Variants in AFDN observed in about 807,000 individuals in gnomAD.
The protein encoded by AFDN is afadin, adherens junction formation factor.
Under a neutral mutation model 216.6 loss-of-function variants are expected in AFDN, and 68 were observed. The ratio of observed to expected loss-of-function variants is 0.31; its 90% CI spans 0.26 to 0.38. AFDN has a LOEUF of 0.38. Among genes scored for constraint, AFDN ranks in the 10% least tolerant of loss-of-function variants. The pLI is 1.00. For missense variants in AFDN, 2,136 were observed against 2,342.0 expected, an observed-to-expected ratio of 0.91 and a Z score of 1.82; for synonymous variants, 868 against 853.7, an observed-to-expected ratio of 1.02 and a Z score of -0.29.
At chr6:167,958,743 T>C (rs993878662) in intron 30 of AFDN, among the ~76,000 whole-genome samples, 2 of 152,252 alleles carry the variant, frequency 1.3e-5, no homozygotes, top group Non-Finnish European at 2.9e-5. Context: ...AAATTGGACA[T>C]GCCCCTCTTG....
At chr6:167,890,392 C>A (rs976033868) in intron 7 of AFDN, among the ~76,000 whole-genome samples, 1 of 152,106 alleles carries the variant, frequency 6.6e-6, no homozygotes, top group Non-Finnish European at 1.5e-5. Flanking sequence ...TTTCAATAGG[C>A]TTTTGCGGGA....
intron 6 of AFDN, among the ~76,000 whole-genome samples, chr6:167,887,097 TTGA>T (rs1177834813): frequency 7.2e-5 from 11 of 152,076 alleles, no homozygotes; most frequent in African/African-American, 2.2e-4. Flanking sequence ...AATGTTGATG[TTGA>T]TAAGTGTATA....
At chr6:167,923,932 C>T (rs1348213762) in intron 22 of AFDN, among the ~76,000 whole-genome samples, 1 of 152,072 alleles carries the variant, frequency 6.6e-6, no homozygotes, top group Non-Finnish European at 1.5e-5. Context: ...GCCCCTAATA[C>T]TTTTTATTGA....
intron 1 of AFDN, among the ~76,000 whole-genome samples, chr6:167,840,487 T>C (rs1313040408): frequency 6.6e-6 from 1 of 152,204 alleles, no homozygotes; most frequent in Non-Finnish European, 1.5e-5. Context: ...CGTGAATCAG[T>C]GTGTCCCATG....
intron 21 of AFDN, among the ~76,000 whole-genome samples, chr6:167,921,649 G>A (rs1465785388): frequency 6.6e-6 from 1 of 152,008 alleles, no homozygotes; most frequent in Non-Finnish European, 1.5e-5. Flanking sequence ...ATGGTCCAGA[G>A]CTTGTTATGG....
intron 1 of AFDN, among the ~76,000 whole-genome samples, chr6:167,847,741 T>G (rs894768724): frequency 6.6e-6 from 1 of 152,212 alleles, no homozygotes; most frequent in Non-Finnish European, 1.5e-5. Flanking sequence ...TCCAGTAACC[T>G]CTTACTTAGT....
At chr6:167,883,276 C>T (rs111301271) in intron 6 of AFDN, among the ~76,000 whole-genome samples, 7,375 of 152,190 alleles carry the variant, frequency 0.048, 603 homozygotes, top group African/African-American at 0.17. Flanking sequence ...GCAATAAGGA[C>T]ACATTGTTTA....
At chr6:167,969,004 A>G (rs975885765) in intron 32 of AFDN, 110 bp from the exon 33 acceptor site, 8 of 830,736 alleles carry the variant, frequency 9.6e-6, no homozygotes, top group African/African-American at 6.8e-5. Flanking sequence ...TTACCTTCCT[A>G]CTTACTCAGT....
At chr6:167,909,035 G>C (rs756305655) in intron 13 of AFDN, among the ~76,000 whole-genome samples, 5 of 151,892 alleles carry the variant, frequency 3.3e-5, no homozygotes, top group Non-Finnish European at 7.4e-5. Flanking sequence ...TTTTTTACCA[G>C]ATTTGTTAAA....
At chr6:167,859,324 A>G (rs1042644911) in intron 1 of AFDN, among the ~76,000 whole-genome samples, 1 of 152,202 alleles carries the variant, frequency 6.6e-6, no homozygotes, top group Non-Finnish European at 1.5e-5. Flanking sequence ...TGTACTAGCA[A>G]CTGGTGTGTG....
chr6:167,943,773 C>T (rs1042374067), intron 25 of AFDN, among the ~76,000 whole-genome samples, 168 bp from the exon 26 acceptor site: 1 of 152,080 alleles, frequency 6.6e-6, no homozygotes, highest in Non-Finnish European at 1.5e-5. Context: ...AGTCAGTTTT[C>T]AAAGGAGAAA....
intron 15 of AFDN, 149 bp from the exon 16 acceptor site, chr6:167,913,253 GA>G (rs915925380): frequency 2.4e-5 from 19 of 783,076 alleles, no homozygotes; most frequent in Non-Finnish European, 3.7e-5. Flanking sequence ...AACCATAAAT[GA>G]AAATGTTATT....
intron 1 of AFDN, among the ~76,000 whole-genome samples, chr6:167,843,888 C>T (rs1282696629): frequency 6.6e-6 from 1 of 152,100 alleles, no homozygotes; most frequent in Non-Finnish European, 1.5e-5. Flanking sequence ...AGGAGAAACA[C>T]CTTGGGATAG....
chr6:167,947,400 C>G (rs368234067), intron 27 of AFDN, among the ~76,000 whole-genome samples: 34 of 152,222 alleles, frequency 2.2e-4, no homozygotes, highest in East Asian at 1.4e-3. Flanking sequence ...AGGATGGTCT[C>G]GATCTCCTGA....
intron 19 of AFDN, 97 bp from the exon 20 acceptor site, chr6:167,916,992 T>C (rs756826487): frequency 4.5e-6 from 5 of 1,116,654 alleles, no homozygotes; most frequent in Non-Finnish European, 6.3e-6. Context: ...CAAAGTTAAA[T>C]TAGCAAGTTA....
In AFDN at chr6:167,951,899, G is replaced by A. The variant is rs1796029162; in HGVS notation, c.4545G>A (p.Gly1515=). The A allele has an allele frequency of 6.2e-7, 1 of 1,613,768 alleles. No individual in the cohort carries two copies. The highest frequency in any genetic ancestry group is 8.5e-7 in the Non-Finnish European group (1 of 1,179,922). The change falls in exon 30 of 34, where the codon GGG becomes GGA. Residue 1515 remains glycine, a synonymous_variant. Transcript: ENST00000683244. This position sits in a 1 kb window ranked among gnomAD's most constrained non-coding sequence, Gnocchi z 7.1. ...TCAGCAAAGAGGAGCTTTCCTCGGGGGACAGTCTGTCCCCCGACCCGTGGA... is the reference window on the plus strand; with the variant it reads ...TCAGCAAAGAGGAGCTTTCCTCGGGAGACAGTCTGTCCCCCGACCCGTGGA... ...ITVSKEELSS[G]DSLSPDPWKR...
At chr6:167,935,083 G>C (rs3800530) in intron 23 of AFDN, among the ~76,000 whole-genome samples, 1 of 151,584 alleles carries the variant, frequency 6.6e-6, no homozygotes, top group Non-Finnish European at 1.5e-5. Flanking sequence ...CTTGTAGCTC[G>C]TTCTACAGGT....
chr6:167,872,767 C>T (rs1784924588), intron 4 of AFDN, among the ~76,000 whole-genome samples: 1 of 152,182 alleles, frequency 6.6e-6, no homozygotes, highest in Non-Finnish European at 1.5e-5. Context: ...TAGTCAGAGG[C>T]TGACAAGGTG....
intron 1 of AFDN, among the ~76,000 whole-genome samples, chr6:167,858,000 A>G (rs1274306354): frequency 6.6e-6 from 1 of 152,202 alleles, no homozygotes; most frequent in Admixed American, 6.5e-5. Flanking sequence ...CTTTTTTGTC[A>G]TGAGGGTTTA....
Sources: gnomAD v4.1 joint callset for allele counts (sites outside exome capture counted in the v4.1 genomes callset) on GRCh38, gnomAD v4.1.1 for gene constraint, Gnocchi (gnomAD v3.1) non-coding constraint, MANE v1.5 for transcripts, NCBI Gene and HGNC (gene_info 2026-07-23, HGNC 2026-07-21) for gene names.